Variants in CSMD1 observed in about 807,000 individuals in gnomAD.
The protein encoded by CSMD1 is CUB and sushi domain-containing protein 1.
Under a neutral mutation model 417.5 loss-of-function variants are expected in CSMD1, and 213 were observed. The observed-to-expected ratio is 0.51, with a 90% CI of 0.46 to 0.57. The LOEUF is 0.57. Ranked by LOEUF, CSMD1 falls within the 20% of genes least tolerant of loss-of-function variation. CSMD1 has a pLI of 0.00. For synonymous variants in CSMD1, 2,862 were observed against 1,736.8 expected, an observed-to-expected ratio of 1.65 and a Z score of -16.11; for missense variants, 6,923 against 4,529.7, an observed-to-expected ratio of 1.53 and a Z score of -15.17.
chr8:3,684,448 C>A (rs967775267), intron 7 of CSMD1, among the ~76,000 whole-genome samples: 2 of 149,864 alleles, frequency 1.3e-5, no homozygotes, highest in African/African-American at 2.4e-5. Context: ...TAGTACTTAA[C>A]AATTTTATTT....
At chr8:4,888,015 C>T (rs527619497) in intron 1 of CSMD1, among the ~76,000 whole-genome samples, 1 of 152,132 alleles carries the variant, frequency 6.6e-6, no homozygotes, top group Admixed American at 6.5e-5. Flanking sequence ...CTCTCTCTTT[C>T]CCTTCCTTTT....
At chr8:3,083,610 TTATA>T (rs1554507974) in intron 49 of CSMD1, among the ~76,000 whole-genome samples, 721 of 30,660 alleles carry the variant, frequency 0.024, 9 homozygotes, top group East Asian at 0.045. Context: ...ACCATAATTT[TTATA>T]TATATATATA....
chr8:4,125,800 G>T (rs184275999), intron 3 of CSMD1, among the ~76,000 whole-genome samples: 3 of 152,026 alleles, frequency 2.0e-5, no homozygotes, highest in Non-Finnish European at 4.4e-5. Context: ...TTGATCAATT[G>T]ATAACAGCCC....
intron 6 of CSMD1, among the ~76,000 whole-genome samples, chr8:3,745,324 T>C (rs78351508): frequency 0.056 from 8,519 of 152,214 alleles, 323 homozygotes; most frequent in Middle Eastern, 0.095. Context: ...AAGAACCTGG[T>C]TGGAATCTCA....
intron 3 of CSMD1, among the ~76,000 whole-genome samples, chr8:4,201,051 C>G (rs997894474): frequency 3.3e-5 from 5 of 152,154 alleles, no homozygotes; most frequent in Non-Finnish European, 4.4e-5. Flanking sequence ...AATTCAAACA[C>G]CATTCACTAC....
At chr8:4,187,772 A>G (rs937951769) in intron 3 of CSMD1, among the ~76,000 whole-genome samples, 1 of 151,662 alleles carries the variant, frequency 6.6e-6, no homozygotes, top group Non-Finnish European at 1.5e-5. Context: ...TTTCACTCTC[A>G]CCATATAGTA....
intron 5 of CSMD1, among the ~76,000 whole-genome samples, chr8:3,982,914 A>G (rs1449287846): frequency 2.6e-5 from 4 of 152,190 alleles, no homozygotes; most frequent in African/African-American, 7.2e-5. Flanking sequence ...TAACTTTGAA[A>G]AATAGATATT....
chr8:3,391,750 G>A (rs1260268063), intron 17 of CSMD1, among the ~76,000 whole-genome samples: 1 of 152,172 alleles, frequency 6.6e-6, no homozygotes, highest in African/African-American at 2.4e-5. Context: ...ATATAAGTCA[G>A]CCTCGAGTAC....
At chr8:4,376,035 A>G (rs1802711782) in intron 3 of CSMD1, among the ~76,000 whole-genome samples, 1 of 152,182 alleles carries the variant, frequency 6.6e-6, no homozygotes, top group Non-Finnish European at 1.5e-5. Context: ...GCCCGTCTTT[A>G]AGTCTTGATA....
chr8:3,078,925 T>C (rs1585294434), intron 49 of CSMD1, among the ~76,000 whole-genome samples: 1 of 152,106 alleles, frequency 6.6e-6, no homozygotes, highest in Admixed American at 6.5e-5. Flanking sequence ...GCTGGCAGTA[T>C]GATAAAGGTT....
chr8:4,925,537 C>CTTTTTT (rs113682113), intron 1 of CSMD1, among the ~76,000 whole-genome samples: 2 of 145,910 alleles, frequency 1.4e-5, no homozygotes, highest in Non-Finnish European at 1.5e-5. Flanking sequence ...CTGGCATTTT[C>CTTTTTT]TTTTTTTTTT....
rs558740747 is a variant in CSMD1 at position 4,366,838 on chromosome 8, G to A, written c.415+53115C>T. Among the ~76,000 whole-genome samples, 27 of 152,134 alleles carry A rather than the reference G, an allele frequency of 1.8e-4. 1 individual carries two copies. Among genetic ancestry groups the A allele is most frequent in the African/African-American group, 6.3e-4 (26 of 41,510 alleles). On this transcript the variant is annotated intron_variant, in intron 3 of 69. Coordinates refer to ENST00000635120, the MANE Select transcript of CSMD1 (RefSeq NM_033225.6). ...TCGTCATTTGGTTTGCTGGCTGCTT[G>A]TTTATCTTCTTTTGAGAAGTGCCTG...
chr8:3,395,541 G>T (rs187050424), intron 17 of CSMD1, among the ~76,000 whole-genome samples: 172 of 152,208 alleles, frequency 1.1e-3, no homozygotes, highest in Admixed American at 2.0e-3. Context: ...GTAAACAAGG[G>T]CAGGAAAACT....
At chr8:3,991,831 G>C (rs1412972552) in intron 5 of CSMD1, among the ~76,000 whole-genome samples, 1 of 152,064 alleles carries the variant, frequency 6.6e-6, no homozygotes, top group Non-Finnish European at 1.5e-5. Context: ...TTTGCTTTTT[G>C]GATGGTTGAA....
intron 3 of CSMD1, among the ~76,000 whole-genome samples, chr8:4,082,144 A>C (rs1317857676): frequency 6.6e-6 from 1 of 152,124 alleles, no homozygotes; most frequent in African/African-American, 2.4e-5. Flanking sequence ...AAAGATGCAA[A>C]ATCTCTATAG....
intron 26 of CSMD1, among the ~76,000 whole-genome samples, chr8:3,254,979 G>GT (rs914118449): frequency 1.1e-4 from 16 of 152,082 alleles, no homozygotes; most frequent in Admixed American, 2.6e-4. Context: ...TTTCTGCTCT[G>GT]TTTTTTCCCC....
At chr8:4,812,702 T>C (rs1239552002) in intron 1 of CSMD1, among the ~76,000 whole-genome samples, 4 of 152,176 alleles carry the variant, frequency 2.6e-5, no homozygotes, top group African/African-American at 9.6e-5. Flanking sequence ...GAAAGAAACA[T>C]GTAAAAAATA....
intron 1 of CSMD1, among the ~76,000 whole-genome samples, chr8:4,661,649 G>T (rs907533496): frequency 1.1e-4 from 16 of 152,254 alleles, no homozygotes; most frequent in African/African-American, 3.1e-4. Flanking sequence ...CTGAGCAATA[G>T]ATACAAGATA....
At chr8:4,294,399 T>C (rs1472884992) in intron 3 of CSMD1, among the ~76,000 whole-genome samples, 1 of 152,192 alleles carries the variant, frequency 6.6e-6, no homozygotes, top group Non-Finnish European at 1.5e-5. Context: ...TTCTTTCTGA[T>C]TGTACTTGAA....
Sources: allele counts gnomAD v4.1 joint callset (sites outside exome capture counted in the v4.1 genomes callset), GRCh38; gene constraint gnomAD v4.1.1; transcripts MANE v1.5; gene names NCBI Gene and HGNC (gene_info 2026-07-23, HGNC 2026-07-21).